Variants in ZNF793 observed in about 807,000 individuals in gnomAD.
The protein encoded by ZNF793 is zinc finger protein 793.
ZNF793 carries 5 observed loss-of-function variants against 12.4 expected under a neutral mutation model. The observed-to-expected ratio is 0.40, with a 90% CI of 0.21 to 0.84. ZNF793 has a LOEUF of 0.84. Among genes scored for constraint, ZNF793 ranks in the 40% least tolerant of loss-of-function variants. The probability of loss-of-function intolerance (pLI) is 0.35; values close to 1 mark genes in which losing one functional copy is unlikely to be tolerated. For missense variants in ZNF793, 456 were observed against 495.0 expected, an observed-to-expected ratio of 0.92 and a Z score of 0.75; for synonymous variants, 162 against 172.4, an observed-to-expected ratio of 0.94 and a Z score of 0.47.
At chr19:37,514,230 T>C (rs1348465241) in intron 2 of ZNF793, among the ~76,000 whole-genome samples, 1 of 152,212 alleles carries the variant, frequency 6.6e-6, no homozygotes, top group Non-Finnish European at 1.5e-5. Flanking sequence ...TCAATAGCTA[T>C]GAACGATTAA....
intron 2 of ZNF793, among the ~76,000 whole-genome samples, chr19:37,517,410 C>T (rs138615048): frequency 6.1e-5 from 9 of 148,018 alleles, no homozygotes; most frequent in African/African-American, 1.8e-4. Flanking sequence ...GAGCTGAGAT[C>T]GCACCACCGC....
In ZNF793 at chr19:37,521,429, CTTTTTT is replaced by C. The variant is rs74174472; in HGVS notation, c.-146-1085_-146-1080del. 4.3e-3 allele frequency among the ~76,000 whole-genome samples: 420 copies of C among 97,022 alleles called. 2 individuals are homozygous for C. Among genetic ancestry groups the C allele is most frequent in the Non-Finnish European group, 6.8e-3 (339 of 49,956 alleles). The allele number at this position is 97,022 out of a possible 152,430, so 63.7% of individuals were successfully genotyped here. On this transcript the variant is annotated intron_variant, in intron 3 of 7. Transcript: ENST00000627814. Reference sequence around the variant, plus strand: ...TGAATCACCATGCATGGTCAATTCTCTTTTTTTTTTTTTTTTTTTTTTTGAGACAGA... The same window carrying C: ...TGAATCACCATGCATGGTCAATTCTCTTTTTTTTTTTTTTTTTGAGACAGA...
At position 37,537,224 on chromosome 19, in the gene ZNF793, G is replaced by A; in HGVS notation, c.566G>A (p.Gly189Asp). The A allele has an allele frequency of 3.1e-6, 5 of 1,613,910 alleles. No individual in the cohort carries two copies. The highest frequency in any genetic ancestry group is 4.2e-6 in the Non-Finnish European group (5 of 1,179,868). ...GRRPNGEKPR[G>D]CSHCEKAFTQ... Reference sequence around the variant, plus strand: ...CGACCTAATGGAGAAAAGCCCCGGGGTTGCAGTCACTGTGAGAAAGCTTTC... The same window carrying A: ...CGACCTAATGGAGAAAAGCCCCGGGATTGCAGTCACTGTGAGAAAGCTTTC... The change falls in exon 8 of 8, where the codon GGT (glycine) becomes GAT (aspartate). Residue 189 changes from glycine (G) to aspartate (D), a missense_variant. By Grantham distance (94) the Gly-to-Asp change is moderately conservative. Transcript: ENST00000627814.
intron 5 of ZNF793, among the ~76,000 whole-genome samples, chr19:37,532,005 C>T (rs1042128926): frequency 6.7e-6 from 1 of 148,688 alleles, no homozygotes; most frequent in Admixed American, 6.9e-5. Flanking sequence ...AGCACCATCT[C>T]TTGCACAAAA....
chr19:37,532,897 T>C (rs899387210), intron 6 of ZNF793, among the ~76,000 whole-genome samples: 1 of 152,214 alleles, frequency 6.6e-6, no homozygotes. Context: ...TCTAGCACTT[T>C]CTATGTGCCA....
At chr19:37,529,056 C>T (rs2042437461) in intron 5 of ZNF793, among the ~76,000 whole-genome samples, 1 of 152,054 alleles carries the variant, frequency 6.6e-6, no homozygotes, top group African/African-American at 2.4e-5. Flanking sequence ...ACCCGGTTGC[C>T]TTCAAGATAC....
At chr19:37,536,837 TG>T in intron 7 of ZNF793, 59 bp from the exon 8 acceptor site, 1 of 1,513,636 alleles carries the variant, frequency 6.6e-7, no homozygotes, top group Admixed American at 2.4e-5. Flanking sequence ...CTTTAAATTT[TG>T]AGAGCATTTC....
chr19:37,512,133 T>A (rs1341236088), intron 2 of ZNF793, among the ~76,000 whole-genome samples: 6 of 152,206 alleles, frequency 3.9e-5, no homozygotes, highest in South Asian at 2.1e-4. Context: ...ACCTCTTCTT[T>A]AATCTTTTCA....
chr19:37,517,089 T>C (rs1286162461), intron 2 of ZNF793, among the ~76,000 whole-genome samples: 1 of 152,206 alleles, frequency 6.6e-6, no homozygotes, highest in Non-Finnish European at 1.5e-5. Flanking sequence ...TTCATCAGGA[T>C]AGGTGGCACT....
At chr19:37,518,067 G>A (rs1394240761) in intron 2 of ZNF793, among the ~76,000 whole-genome samples, 2 of 152,012 alleles carry the variant, frequency 1.3e-5, no homozygotes, top group African/African-American at 4.8e-5. Context: ...TGTATTTTCT[G>A]CTTCAAAATA....
chr19:37,516,203 C>T (rs34410821), intron 2 of ZNF793, among the ~76,000 whole-genome samples: 54,845 of 152,054 alleles, frequency 0.36, 11,530 homozygotes, highest in Non-Finnish European at 0.48. Flanking sequence ...GGCGCGATCT[C>T]GGCTCACTGC....
intron 2 of ZNF793, among the ~76,000 whole-genome samples, chr19:37,510,191 T>C (rs1261510263): frequency 1.3e-5 from 2 of 152,022 alleles, no homozygotes; most frequent in Non-Finnish European, 1.5e-5. Flanking sequence ...CGAAACTCCA[T>C]CATTACAAAA....
In ZNF793 at chr19:37,538,412, C is replaced by T. The variant is rs2042528451; in HGVS notation, c.*533C>T. ...TCTCCTGCCTCAGCCTCCCAAGTAG[C>T]TGGGATTACAGGCACCTGCCACCAC... On this transcript the variant is annotated 3_prime_UTR_variant, in exon 8 of 8. Coordinates refer to ENST00000627814, the MANE Select transcript of ZNF793 (RefSeq NM_001013659.3). 6.6e-6 allele frequency: 1 copy of T among 152,472 alleles called. No individual in the cohort carries two copies. The highest frequency in any genetic ancestry group is 1.5e-5 in the Non-Finnish European group (1 of 68,330). The allele number at this position is 152,472 out of a possible 1,614,324, so 9.4% of individuals were successfully genotyped here. A position where few individuals can be genotyped will look rare whatever the true frequency, so the allele number is the denominator to read the frequency against.
chr19:37,528,980 G>A (rs753598671), intron 5 of ZNF793, among the ~76,000 whole-genome samples: 198 of 152,148 alleles, frequency 1.3e-3, no homozygotes, highest in African/African-American at 4.5e-3. Context: ...CCCCAGGCAG[G>A]TCCAGCACAA....
chr19:37,536,186 G>A, intron 7 of ZNF793: 1 of 347,272 alleles, frequency 2.9e-6, no homozygotes, highest in Non-Finnish European at 5.1e-6. Flanking sequence ...TTTTTAATCT[G>A]TTTCACCTTA....
intron 1 of ZNF793, 162 bp downstream of exon 1, chr19:37,507,128 C>T (rs1241524046): frequency 1.3e-5 from 2 of 152,570 alleles, no homozygotes; most frequent in African/African-American, 4.8e-5. Context: ...CCGTGAGGGT[C>T]AATGACAAGG....
In ZNF793 at chr19:37,537,516, T is replaced by C. The variant is rs374828147; in HGVS notation, c.858T>C (p.Phe286=). Residue 286 remains phenylalanine, a synonymous_variant, in exon 8 of 8, where the codon TTT becomes TTC. Coordinates refer to ENST00000627814, the MANE Select transcript of ZNF793 (RefSeq NM_001013659.3). ...IHTGVRPFEC[F]FCGKAFTQKS... is the part of the protein sequence containing the mutation. ...CTGGGGTAAGACCCTTTGAATGTTT[T>C]TTTTGTGGGAAAGCCTTTACCCAGA... 2.4e-5 allele frequency: 39 copies of C among 1,614,002 alleles called. No individual in the cohort carries two copies. The African/African-American group carries it at 4.8e-4, about 20-fold the overall frequency.
chr19:37,527,701 C>T (rs1288278995), intron 5 of ZNF793, among the ~76,000 whole-genome samples: 1 of 152,128 alleles, frequency 6.6e-6, no homozygotes, highest in East Asian at 1.9e-4. Flanking sequence ...ACTTCTACAC[C>T]AACTGCAAGT....
In ZNF793 at chr19:37,521,412, C is replaced by A. The variant is rs1484502746; in HGVS notation, c.-147+1100C>A. Among the ~76,000 whole-genome samples the A allele has an allele frequency of 2.0e-5, 3 of 150,178 alleles. No individual in the cohort carries two copies. In the East Asian group the frequency reaches 5.9e-4, roughly 30 times the overall value. On this transcript the variant is annotated intron_variant, in intron 3 of 7. Coordinates refer to ENST00000627814, the MANE Select transcript of ZNF793 (RefSeq NM_001013659.3). ...TGCTGGGATTACAGGCATGAATCACCATGCATGGTCAATTCTCTTTTTTTT... is the reference window on the plus strand; with the variant it reads ...TGCTGGGATTACAGGCATGAATCACAATGCATGGTCAATTCTCTTTTTTTT...
Sources: gnomAD v4.1 joint callset for allele counts (sites outside exome capture counted in the v4.1 genomes callset) on GRCh38, gnomAD v4.1.1 for gene constraint, MANE v1.5 for transcripts, NCBI Gene and HGNC (gene_info 2026-07-23, HGNC 2026-07-21) for gene names.